The following MOB1B variants were observed in gnomAD, a reference collection of about 807,000 sequenced individuals.
MOB1B encodes the protein MOB1 Mps One Binder homolog B.
A neutral mutation model predicts 24.4 loss-of-function variants in MOB1B; 19 were observed. The observed-to-expected ratio is 0.78, with a 90% confidence interval of 0.54 to 1.14. MOB1B has a LOEUF of 1.14. Ranked by LOEUF, MOB1B falls within the 50% of genes most tolerant of loss-of-function variation. The pLI is 0.00. For missense variants in MOB1B, 243 were observed against 259.6 expected (o/e 0.94, Z 0.44); for synonymous variants, 76 against 82.1 (o/e 0.93, Z 0.40).
intron 4 of MOB1B, among the ~76,000 whole-genome samples, chr4:70,977,376 A>G (rs576770711): frequency 5.9e-5 from 9 of 152,198 alleles, no homozygotes; most frequent in Non-Finnish European, 7.3e-5. Context: ...TAATAATTTT[A>G]AATGAGCAAT....
rs79720036 is a variant in MOB1B, at chr4:70,979,842, T to C, written c.573+551T>C. 2.2e-4 allele frequency among the ~76,000 whole-genome samples: 34 copies of C among 152,336 alleles called. No homozygotes were observed. In the East Asian group the frequency reaches 5.2e-3, roughly 23 times the overall value. On this transcript the variant is annotated intron_variant, in intron 5 of 5. Transcript: ENST00000309395. ...TCTTTGGTCTGACTTCCTAGTTAAC[T>C]TCCTCTTTTTTTAGTCTTCAAATAA...
chr4:70,966,777 C>T (rs937360667), intron 2 of MOB1B, among the ~76,000 whole-genome samples: 9 of 151,808 alleles, frequency 5.9e-5, no homozygotes, highest in Admixed American at 5.9e-4. Context: ...ATTGTTTGAA[C>T]CCAGGAGTTG....
In MOB1B at chr4:70,915,786, A is replaced by T. The variant is rs373661790; in HGVS notation, c.14+13236A>T. On this transcript the variant is annotated intron_variant, in intron 1 of 5. Coordinates refer to ENST00000309395, the MANE Select transcript of MOB1B (RefSeq NM_173468.4). Reference sequence around the variant, plus strand: ...CATGCTGGCTTGAGGCATAGTCCCTACCTATTGGGGATCGTGGAACTGTCT... The same window carrying T: ...CATGCTGGCTTGAGGCATAGTCCCTTCCTATTGGGGATCGTGGAACTGTCT... Among the ~76,000 whole-genome samples, 12 of 149,666 alleles carry T rather than the reference A, an allele frequency of 8.0e-5. No individual in the cohort carries two copies. The East Asian group carries it at 2.4e-3, about 30-fold the overall frequency.
intron 1 of MOB1B, among the ~76,000 whole-genome samples, chr4:70,918,706 T>C (rs1380973163): frequency 2.6e-5 from 4 of 152,180 alleles, no homozygotes; most frequent in Non-Finnish European, 4.4e-5. Context: ...TTAGATCCCA[T>C]TTGTCAATTT....
chr4:70,966,198 A>G (rs1738525386), intron 2 of MOB1B, among the ~76,000 whole-genome samples: 1 of 152,196 alleles, frequency 6.6e-6, no homozygotes. Flanking sequence ...TTAAAAGTGT[A>G]TATAATACAT....
chr4:70,951,293 C>T (rs1001936856), intron 1 of MOB1B, among the ~76,000 whole-genome samples: 2 of 152,004 alleles, frequency 1.3e-5, no homozygotes, highest in Non-Finnish European at 2.9e-5. Flanking sequence ...TGAAACTGGT[C>T]CCTAGTGCCA....
chr4:70,971,712 G>T (rs985422341), intron 3 of MOB1B, among the ~76,000 whole-genome samples: 1 of 152,102 alleles, frequency 6.6e-6, no homozygotes, highest in Non-Finnish European at 1.5e-5. Flanking sequence ...TGTGAAAATA[G>T]ATGTCTTTAA....
intron 1 of MOB1B, among the ~76,000 whole-genome samples, chr4:70,924,568 G>C (rs535197638): frequency 2.6e-4 from 40 of 152,170 alleles, no homozygotes; most frequent in African/African-American, 9.2e-4. Flanking sequence ...GTGCCGTGTT[G>C]GTTTGCTGCA....
chr4:70,930,683 T>C (rs1173072619), intron 1 of MOB1B, among the ~76,000 whole-genome samples: 1 of 152,244 alleles, frequency 6.6e-6, no homozygotes, highest in Non-Finnish European at 1.5e-5. Context: ...ATTTTTTCTT[T>C]TTTTAAATGT....
chr4:70,930,783 T>C (rs1736860227), intron 1 of MOB1B, among the ~76,000 whole-genome samples: 1 of 152,170 alleles, frequency 6.6e-6, no homozygotes, highest in South Asian at 2.1e-4. Flanking sequence ...TTTTTTCTTT[T>C]TTTCCCTCTG....
At chr4:70,973,347 G>A (rs535582511) in intron 3 of MOB1B, among the ~76,000 whole-genome samples, 47 of 151,796 alleles carry the variant, frequency 3.1e-4, no homozygotes, top group African/African-American at 1.1e-3. Flanking sequence ...GCTCACACCT[G>A]TAATCTCGGC....
intron 1 of MOB1B, among the ~76,000 whole-genome samples, chr4:70,923,961 G>C (rs953130411): frequency 3.6e-5 from 1 of 28,052 alleles, no homozygotes; most frequent in African/African-American, 1.5e-4. Flanking sequence ...AAAAAAATTA[G>C]ACTCAAAAAA....
intron 3 of MOB1B, 34 bp from the exon 4 acceptor site, chr4:70,975,119 A>G (rs1301759122): frequency 1.3e-6 from 2 of 1,554,344 alleles, no homozygotes; most frequent in East Asian, 2.3e-5. Flanking sequence ...GGTATATACT[A>G]ATCTTCTGTG....
chr4:70,949,797 C>T (rs28569455), intron 1 of MOB1B, among the ~76,000 whole-genome samples: 6,899 of 151,670 alleles, frequency 0.045, 296 homozygotes, highest in African/African-American at 0.11. Flanking sequence ...CTTGGGAGGC[C>T]GAGGTGGAAG....
At chr4:70,906,599 G>A (rs912736634) in intron 1 of MOB1B, among the ~76,000 whole-genome samples, 2 of 152,158 alleles carry the variant, frequency 1.3e-5, no homozygotes, top group Non-Finnish European at 2.9e-5. Flanking sequence ...GACAGATTAG[G>A]ATAATCCCCA....
At chr4:70,970,329 C>G (rs1487065825) in intron 3 of MOB1B, among the ~76,000 whole-genome samples, 1 of 152,138 alleles carries the variant, frequency 6.6e-6, no homozygotes, top group African/African-American at 2.4e-5. Context: ...TTTCTTCTCT[C>G]CCATTTCACT....
In MOB1B at chr4:70,969,913, C is replaced by T; in HGVS notation, c.182-18C>T. 6.9e-7 allele frequency: 1 copy of T among 1,451,994 alleles called. No individual in the cohort carries two copies. The highest frequency in any genetic ancestry group is 9.6e-7 in the Non-Finnish European group (1 of 1,043,488). The allele number at this position is 1,451,994 out of a possible 1,614,324, so 89.9% of individuals were successfully genotyped here. A position where few individuals can be genotyped will look rare whatever the true frequency, so the allele number is the denominator to read the frequency against. Reference sequence around the variant, plus strand: ...TTTAGCCATTCTGTTTTACTTACAACTGATACTTGCTTTACAGCTGTGGAT... The same window carrying T: ...TTTAGCCATTCTGTTTTACTTACAATTGATACTTGCTTTACAGCTGTGGAT... On this transcript the variant is annotated intron_variant, in intron 2 of 5. Coordinates refer to ENST00000309395, the MANE Select transcript of MOB1B (RefSeq NM_173468.4).
At chr4:70,980,424 T>C (rs1222812846) in intron 5 of MOB1B, among the ~76,000 whole-genome samples, 1 of 152,158 alleles carries the variant, frequency 6.6e-6, no homozygotes, top group Non-Finnish European at 1.5e-5. Flanking sequence ...GATCTTACAC[T>C]GTGTTTCCCA....
At chr4:70,972,866 T>A (rs1200570913) in intron 3 of MOB1B, among the ~76,000 whole-genome samples, 1 of 152,222 alleles carries the variant, frequency 6.6e-6, no homozygotes, top group South Asian at 2.1e-4. Context: ...CTCCGCCTCC[T>A]GGGTTCACAC....
Sources: allele counts gnomAD v4.1 joint callset (sites outside exome capture counted in the v4.1 genomes callset), GRCh38; gene constraint gnomAD v4.1.1; transcripts MANE v1.5; gene names NCBI Gene and HGNC (gene_info 2026-07-23, HGNC 2026-07-21).